The following CCR3 variants were observed in gnomAD, a reference collection of about 807,000 sequenced individuals.
CCR3 encodes the protein C-C motif chemokine receptor 3.
For synonymous variants in CCR3, 203 were observed against 179.2 expected (o/e 1.13, Z -1.06); for missense variants, 419 against 437.5 (o/e 0.96, Z 0.38).
intron 2 of CCR3, among the ~76,000 whole-genome samples, chr3:46,213,459 G>T (rs1278040880): frequency 6.6e-6 from 1 of 152,196 alleles, no homozygotes; most frequent in Non-Finnish European, 1.5e-5. Context: ...CAAGGAGTCA[G>T]GAAATAGAAA....
At chr3:46,256,006 A>G (rs1455836181) in intron 1 of CCR3, among the ~76,000 whole-genome samples, 1 of 151,964 alleles carries the variant, frequency 6.6e-6, no homozygotes, top group Admixed American at 6.6e-5. Context: ...TCATTTTCAC[A>G]ATATTGATTC....
intron 1 of CCR3, among the ~76,000 whole-genome samples, chr3:46,254,865 G>C (rs945888324): frequency 6.6e-6 from 1 of 152,008 alleles, no homozygotes; most frequent in African/African-American, 2.4e-5. Flanking sequence ...CTATAAATGT[G>C]TGTGCAAGTA....
chr3:46,264,160 C>T (rs2125936261), intron 1 of CCR3: 3 of 470,140 alleles, frequency 6.4e-6, no homozygotes, highest in East Asian at 8.9e-5. Context: ...TAAGAAATAT[C>T]AAGTCCAGTG....
chr3:46,234,775 C>T (rs1700006569), intron 2 of CCR3, among the ~76,000 whole-genome samples: 2 of 152,182 alleles, frequency 1.3e-5, no homozygotes, highest in South Asian at 4.1e-4. Flanking sequence ...TTTAAGATTT[C>T]TTTATTATGG....
intron 1 of CCR3, among the ~76,000 whole-genome samples, chr3:46,251,680 T>C (rs1700316498): frequency 6.6e-6 from 1 of 152,032 alleles, no homozygotes; most frequent in Admixed American, 6.5e-5. Flanking sequence ...TTCACCTGAG[T>C]GCAGGCGGGC....
At chr3:46,238,486 A>G (rs563227983), upstream of CCR3, among the ~76,000 whole-genome samples, 1 of 152,302 alleles carries the variant, frequency 6.6e-6, no homozygotes, top group African/African-American at 2.4e-5. Context: ...TTCTCATGAC[A>G]GTGAGAAAAA....
At chr3:46,264,835 T>C (rs1446079807) in intron 1 of CCR3, 10 of 398,040 alleles carry the variant, frequency 2.5e-5, no homozygotes, top group Non-Finnish European at 2.7e-5. Context: ...TTATCTAGCC[T>C]GTTTTTTCCT....
chr3:46,265,572 T>G lies in CCR3; in HGVS notation c.414T>G (p.Ala138=). ...TIDRYLAIVH[A]VFALRARTVT... ...ACAGGTACCTGGCCATTGTCCATGC[T>G]GTGTTTGCCCTTCGAGCCCGGACTG... The change falls in exon 2 of 2, where the codon GCT becomes GCG. Residue 138 remains alanine, a synonymous_variant. Transcript: ENST00000395940. 6.2e-7 allele frequency: 1 copy of G among 1,614,174 alleles called. No individual in the cohort carries two copies. The highest frequency in any genetic ancestry group is 8.5e-7 in the Non-Finnish European group (1 of 1,180,018).
intron 2 of CCR3, among the ~76,000 whole-genome samples, chr3:46,226,755 C>G (rs1699901696): frequency 6.6e-6 from 1 of 152,020 alleles, no homozygotes; most frequent in Admixed American, 6.5e-5. Flanking sequence ...CTTTCTCCAT[C>G]AAGTATAATG....
chr3:46,251,403 A>G (rs558695807), intron 1 of CCR3, among the ~76,000 whole-genome samples: 1 of 152,120 alleles, frequency 6.6e-6, no homozygotes, highest in South Asian at 2.1e-4. Context: ...TGAAAGGAGA[A>G]AGAGGTTGAG....
At chr3:46,239,369 G>C (rs1343825417), upstream of CCR3, among the ~76,000 whole-genome samples, 2 of 152,164 alleles carry the variant, frequency 1.3e-5, no homozygotes, top group Admixed American at 1.3e-4. Flanking sequence ...AGAATGCTTT[G>C]TTATAGTTTT....
chr3:46,264,748 T>C (rs1700585687), intron 1 of CCR3: 1 of 396,772 alleles, frequency 2.5e-6, no homozygotes. Context: ...TTTTAAGGTA[T>C]ATGTAAACTG....
chr3:46,260,717 A>G (rs1700509475), intron 1 of CCR3, among the ~76,000 whole-genome samples: 1 of 152,250 alleles, frequency 6.6e-6, no homozygotes, highest in South Asian at 2.1e-4. Flanking sequence ...TTAAGTAATC[A>G]AAGATCTTGA....
At chr3:46,221,476 T>C (rs1261704162) in intron 2 of CCR3, among the ~76,000 whole-genome samples, 1 of 152,214 alleles carries the variant, frequency 6.6e-6, no homozygotes, top group East Asian at 1.9e-4. Flanking sequence ...ACATGCAAGA[T>C]GCACCCCTCA....
intron 1 of CCR3, among the ~76,000 whole-genome samples, 178 bp from the exon 2 acceptor site, chr3:46,264,970 C>G (rs1700589168): frequency 6.6e-6 from 1 of 152,280 alleles, no homozygotes. Context: ...TCAGCTCTTT[C>G]CTTCCTCAAT....
rs1700629645 is a variant in CCR3 at position 46,266,143 on chromosome 3, C to T, written c.985C>T (p.Pro329Ser). The change falls in exon 2 of 2, where the codon CCA becomes TCA. Residue 329 changes from proline to serine, a missense_variant. Pro to Ser is a moderately conservative substitution (Grantham distance 74). Coordinates refer to ENST00000395940, the MANE Select transcript of CCR3 (RefSeq NM_178329.3). ...GCTCATGCACCTGGGCAGATACATC[C>T]CATTCCTTCCTAGTGAGAAGCTGGA... is the stretch of plus-strand genomic sequence containing the variant. ...HLLMHLGRYI[P>S]FLPSEKLERT... The T allele has an allele frequency of 1.2e-6, 2 of 1,613,932 alleles. No homozygotes were observed. The highest frequency in any genetic ancestry group is 1.3e-5 in the African/African-American group (1 of 74,904).
intron 1 of CCR3, among the ~76,000 whole-genome samples, chr3:46,246,996 T>C (rs1487429733): frequency 6.6e-6 from 1 of 151,874 alleles, no homozygotes; most frequent in South Asian, 2.1e-4. Context: ...TTTGTATGAA[T>C]TGAAAAACTA....
In CCR3 at chr3:46,265,216, G is replaced by T; in HGVS notation, c.58G>T (p.Val20Leu). 2 of 1,614,034 alleles carry T rather than the reference G, an allele frequency of 1.2e-6. No individual in the cohort carries two copies. The highest frequency in any genetic ancestry group is 1.7e-6 in the Non-Finnish European group (2 of 1,179,958). The change falls in exon 2 of 2, where the codon GTG becomes TTG. Residue 20 changes from valine (V) to leucine (L), a missense_variant. Physicochemically the swap from Val to Leu is conservative, Grantham distance 32. Transcript: ENST00000395940. ...TFGTTSYYDD[V>L]GLLCEKADTR... ...TGGTACCACATCCTACTATGATGACGTGGGCCTGCTCTGTGAAAAAGCTGA... is the reference window on the plus strand; with the variant it reads ...TGGTACCACATCCTACTATGATGACTTGGGCCTGCTCTGTGAAAAAGCTGA...
At chr3:46,263,899 C>T (rs981910301) in intron 1 of CCR3, 7 of 154,106 alleles carry the variant, frequency 4.5e-5, no homozygotes, top group African/African-American at 7.2e-5. Flanking sequence ...AACAATTCCC[C>T]GCATTGGCCC....
Sources: allele counts gnomAD v4.1 joint callset (sites outside exome capture counted in the v4.1 genomes callset), GRCh38; gene constraint gnomAD v4.1.1; transcripts MANE v1.5; gene names NCBI Gene and HGNC (gene_info 2026-07-23, HGNC 2026-07-21).